Variants in DNAI2 observed in about 807,000 individuals in gnomAD.
DNAI2 encodes dynein, axonemal, intermediate polypeptide 2.
In DNAI2, 63 loss-of-function variants were observed where a neutral mutation model predicts 74.7. The ratio of observed to expected loss-of-function variants is 0.84; its 90% CI spans 0.69 to 1.04. The LOEUF is 1.04. Among genes scored for constraint, DNAI2 ranks in the 50% least tolerant of loss-of-function variants. The probability of loss-of-function intolerance (pLI) is 0.00; values close to 1 mark genes in which losing one functional copy is unlikely to be tolerated. For synonymous variants in DNAI2, 289 were observed against 314.9 expected (o/e 0.92, Z 0.87); for missense variants, 688 against 803.2 (o/e 0.86, Z 1.73).
Position 74,310,174 on chromosome 17 carries a change from G to T in DNAI2, c.1494+11G>T. On this transcript the variant is annotated intron_variant, in intron 11 of 13. Coordinates refer to ENST00000311014, the MANE Select transcript of DNAI2 (RefSeq NM_023036.6). Reference sequence around the variant, plus strand: ...AACGTAGCCTCTTCCGTAAGCACCGGGTGCCTGGGGAAAATCCCTCCAGCA... The same window carrying T: ...AACGTAGCCTCTTCCGTAAGCACCGTGTGCCTGGGGAAAATCCCTCCAGCA... 6.2e-7 allele frequency: 1 copy of T among 1,612,860 alleles called. No individual in the cohort carries two copies. The highest frequency in any genetic ancestry group is 8.5e-7 in the Non-Finnish European group (1 of 1,179,958).
At position 74,314,725 on chromosome 17, in the gene DNAI2, C is replaced by A; in HGVS notation, c.*192C>A. 1 of 195,878 alleles carries A rather than the reference C, an allele frequency of 5.1e-6. No homozygotes were observed. Among genetic ancestry groups the A allele is most frequent in the Non-Finnish European group, 1.1e-5 (1 of 92,774 alleles). 12.1% of individuals were successfully genotyped at this position (195,878 alleles called of 1,614,324 possible). On this transcript the variant is annotated 3_prime_UTR_variant, in exon 14 of 14. Coordinates refer to ENST00000311014, the MANE Select transcript of DNAI2 (RefSeq NM_023036.6). ...AGAAAGTCTGTCCACTTTGAAAATA[C>A]CTTTCCAGGCAGCTCCCTGACCATT...
chr17:74,284,379 A>G (rs2051574446), intron 2 of DNAI2, among the ~76,000 whole-genome samples: 1 of 152,144 alleles, frequency 6.6e-6, no homozygotes, highest in Non-Finnish European at 1.5e-5. Context: ...ATTGTTAATG[A>G]TAGAGTGAAG....
intron 6 of DNAI2, among the ~76,000 whole-genome samples, chr17:74,293,843 GC>G: frequency 6.6e-6 from 1 of 151,824 alleles, no homozygotes; most frequent in South Asian, 2.1e-4. Context: ...GAGTGCAGTG[GC>G]GTGATCTCGG....
intron 4 of DNAI2, among the ~76,000 whole-genome samples, chr17:74,287,788 C>G (rs1255109637): frequency 6.6e-6 from 1 of 152,184 alleles, no homozygotes; most frequent in African/African-American, 2.4e-5. Context: ...AACCCCGTCT[C>G]TACTAAAAAT....
At chr17:74,305,982 T>C (rs1253527966) in intron 9 of DNAI2, among the ~76,000 whole-genome samples, 1 of 152,190 alleles carries the variant, frequency 6.6e-6, no homozygotes, top group Non-Finnish European at 1.5e-5. Context: ...GGCTTAATTT[T>C]CATAATCCTC....
chr17:74,281,599 A>G (rs1331961218), intron 1 of DNAI2: 1 of 606,276 alleles, frequency 1.6e-6, no homozygotes, highest in Non-Finnish European at 2.9e-6. Flanking sequence ...TGCAATAACT[A>G]AACAGGGTAA....
chr17:74,277,410 A>G (rs573607189), intron 1 of DNAI2, among the ~76,000 whole-genome samples: 19 of 152,006 alleles, frequency 1.2e-4, no homozygotes, highest in South Asian at 2.1e-4. Flanking sequence ...AAGAAAAAAG[A>G]AAAAAAGAAA....
chr17:74,279,454 T>C (rs1265207390), intron 1 of DNAI2, among the ~76,000 whole-genome samples: 1 of 152,070 alleles, frequency 6.6e-6, no homozygotes, highest in Non-Finnish European at 1.5e-5. Flanking sequence ...CCCATAAATA[T>C]ATACACCTAC....
chr17:74,276,312 C>T (rs1412882677), intron 1 of DNAI2, among the ~76,000 whole-genome samples: 2 of 152,176 alleles, frequency 1.3e-5, no homozygotes, highest in East Asian at 1.9e-4. Flanking sequence ...CCTGATTCTG[C>T]GTGTTCCTGT....
rs151241589 is a variant in DNAI2, at chr17:74,312,223, C to T, written c.1715C>T (p.Pro572Leu). The T allele has an allele frequency of 1.3e-3, 2,067 of 1,578,290 alleles. 9 individuals are homozygous for T. Among genetic ancestry groups the T allele is most frequent in the South Asian group, 6.8e-3 (597 of 87,648 alleles). Residue 572 changes from proline to leucine, a missense_variant, in exon 12 of 14, where the codon CCA becomes CTA. Pro to Leu is a moderately conservative substitution (Grantham distance 98). Coordinates refer to ENST00000311014, the MANE Select transcript of DNAI2 (RefSeq NM_023036.6). ...KKEADAIKLTPVPQQPSPEED... is the reference protein window; with the variant it reads ...KKEADAIKLTLVPQQPSPEED... ...GAGGCAGACGCCATAAAGCTGACGC[C>T]AGTGCCTGTAGGGGCCTGGACAGGG... is the stretch of plus-strand genomic sequence containing the variant.
intron 9 of DNAI2, among the ~76,000 whole-genome samples, chr17:74,308,506 G>A (rs992871563): frequency 1.4e-4 from 21 of 152,038 alleles, no homozygotes; most frequent in African/African-American, 4.8e-4. Flanking sequence ...CCCACGGGAA[G>A]GACTGTGCCC....
intron 4 of DNAI2, among the ~76,000 whole-genome samples, chr17:74,288,831 T>G (rs1338491621): frequency 6.6e-6 from 1 of 151,348 alleles, no homozygotes; most frequent in East Asian, 1.9e-4. Flanking sequence ...ATCAGATGAG[T>G]GGAGATGAGC....
chr17:74,302,991 T>C (rs1209300054), intron 8 of DNAI2, among the ~76,000 whole-genome samples: 1 of 152,216 alleles, frequency 6.6e-6, no homozygotes, highest in East Asian at 1.9e-4. Context: ...GAGGCAAGGC[T>C]TTCTAGGCCA....
Position 74,314,019 on chromosome 17 carries a change from G to A in DNAI2, c.1723-102G>A, listed in dbSNP as rs937687526. 3 of 1,593,554 alleles carry A rather than the reference G, an allele frequency of 1.9e-6. No individual in the cohort carries two copies. The African/African-American group carries it at 4.0e-5, about 21-fold the overall frequency. The stretch of plus-strand genomic sequence containing the variant: ...AGGGTGCTCAGCGACCCAGGCTTCA[G>A]CCATTTGGCTGCTTTGGTCCTCGTG... On this transcript the variant is annotated intron_variant, in intron 12 of 13. Coordinates refer to ENST00000311014, the MANE Select transcript of DNAI2 (RefSeq NM_023036.6).
At chr17:74,291,158 AT>A in intron 6 of DNAI2, 25 bp downstream of exon 6, 1 of 1,516,696 alleles carries the variant, frequency 6.6e-7, no homozygotes, top group Non-Finnish European at 9.1e-7. Context: ...AGGCTTTTTT[AT>A]TTTTATTTTT....
Position 74,301,212 on chromosome 17 carries a change from G to A in DNAI2, c.987+44G>A, listed in dbSNP as rs1290653885. On this transcript the variant is annotated intron_variant, in intron 8 of 13. Coordinates refer to ENST00000311014, the MANE Select transcript of DNAI2 (RefSeq NM_023036.6). ...CCCTTCCCCGACTTGCATTGACAGG[G>A]CAGCCAGGGCTAAAGACAGGCCATT... 19 of 1,610,494 alleles carry A rather than the reference G, an allele frequency of 1.2e-5. No individual in the cohort carries two copies. The Admixed American group carries it at 3.0e-4, about 25-fold the overall frequency.
At position 74,311,878 on chromosome 17, in the gene DNAI2, C is replaced by G. The variant is rs2053547166; in HGVS notation, c.1495-125C>G. The G allele has an allele frequency of 3.2e-6, 3 of 923,778 alleles. No homozygotes were observed. The South Asian group carries it at 4.2e-5, about 13-fold the overall frequency. The allele number at this position is 923,778 out of a possible 1,614,324, so 57.2% of individuals were successfully genotyped here. A position where few individuals can be genotyped will look rare whatever the true frequency, so the allele number is the denominator to read the frequency against. On this transcript the variant is annotated intron_variant, in intron 11 of 13. Transcript: ENST00000311014. ...TGACACCAGCCCTGGGTACAGACCTCTACAGTACAGGGACTGTATGGAGAG... is the reference window on the plus strand; with the variant it reads ...TGACACCAGCCCTGGGTACAGACCTGTACAGTACAGGGACTGTATGGAGAG...
In DNAI2 at chr17:74,291,105, C is replaced by A. The variant is rs755947209; in HGVS notation, c.696C>A (p.Leu232=). The change falls in exon 6 of 14, where the codon CTC becomes CTA. Residue 232 remains leucine, a synonymous_variant. Coordinates refer to ENST00000311014, the MANE Select transcript of DNAI2 (RefSeq NM_023036.6). ...LEFNPKDSHV[L]LGGCYNGQIA... is the part of the protein sequence containing the mutation. ...TCAACCCCAAAGATTCCCACGTACT[C>A]CTGGGTGGCTGCTACAATGGACAGA... 1 of 1,614,086 alleles carries A rather than the reference C, an allele frequency of 6.2e-7. No homozygotes were observed. Among genetic ancestry groups the A allele is most frequent in the South Asian group, 1.1e-5 (1 of 91,076 alleles).
Position 74,288,534 on chromosome 17 carries a change from G to A in DNAI2, c.468-1060G>A, listed in dbSNP as rs182555546. Among the ~76,000 whole-genome samples, 9 of 152,256 alleles carry A rather than the reference G, an allele frequency of 5.9e-5. No individual in the cohort carries two copies. The East Asian group carries it at 1.2e-3, about 20-fold the overall frequency. On this transcript the variant is annotated intron_variant, in intron 4 of 13. Transcript: ENST00000311014. ...CTGTGATTTTGGACTTCTGGCATCC[G>A]GAACTGTGATAGAATCAATTTCTGT...
Sources: gnomAD v4.1 joint callset for allele counts (sites outside exome capture counted in the v4.1 genomes callset) on GRCh38, gnomAD v4.1.1 for gene constraint, MANE v1.5 for transcripts, NCBI Gene and HGNC (gene_info 2026-07-23, HGNC 2026-07-21) for gene names.